SYT14: variants seen among roughly 807,000 people sequenced by gnomAD.
The protein encoded by SYT14 is synaptotagmin 14.
In SYT14, 32 loss-of-function variants were observed where a neutral mutation model predicts 74.2. The observed-to-expected ratio is 0.43, with a 90% confidence interval of 0.33 to 0.58. The LOEUF is 0.58. SYT14 is among the 20% of genes least tolerant of loss of function. The probability of loss-of-function intolerance (pLI) is 0.05; values close to 1 mark genes in which losing one functional copy is unlikely to be tolerated. For missense variants in SYT14, 791 were observed against 981.8 expected (o/e 0.81, Z 2.60); for synonymous variants, 298 against 337.7 (o/e 0.88, Z 1.29).
intron 7 of SYT14, among the ~76,000 whole-genome samples, chr1:210,110,855 C>T (rs2082248757): frequency 6.6e-6 from 1 of 152,190 alleles, no homozygotes. Flanking sequence ...AGCAATTCTC[C>T]TGCCTCAGCC....
chr1:210,169,236 T>TTG (rs2083494542), exon 10 of SYT14: 1 of 140,344 alleles, frequency 7.1e-6, no homozygotes, highest in African/African-American at 2.6e-5. Context: ...TTTTTTTTTT[T>TTG]TTTTTTTTTT....
At chr1:209,946,317 AGCTAGGCC>A (rs1388765039) in intron 1 of SYT14, among the ~76,000 whole-genome samples, 1 of 152,238 alleles carries the variant, frequency 6.6e-6, no homozygotes, top group Non-Finnish European at 1.5e-5. Flanking sequence ...ACTGGCCAAA[AGCTAGGCC>A]TTTTGTGCCA....
rs149881792 is a variant in SYT14 at position 209,989,102 on chromosome 1, C to T, written c.-485-24531C>T. On this transcript the variant is annotated intron_variant, in intron 2 of 9. Coordinates refer to ENST00000637265, the Ensembl canonical transcript of SYT14. ...TCTGAATGATCACTCCTTTATTGCC[C>T]ATCTTCAGTGTCTTGAGTGCCATTG... Among the ~76,000 whole-genome samples the T allele has an allele frequency of 3.7e-3, 558 of 152,246 alleles. 3 individuals are homozygous for T. Among genetic ancestry groups the T allele is most frequent in the African/African-American group, 0.013 (529 of 41,550 alleles).
Position 210,094,516 on chromosome 1 carries a change from C to T in SYT14, c.1507C>T (p.His503Tyr), listed in dbSNP as rs530610981. 2 of 1,613,644 alleles carry T rather than the reference C, an allele frequency of 1.2e-6. 1 individual carries two copies. Among genetic ancestry groups the T allele is most frequent in the African/African-American group, 2.7e-5 (2 of 74,990 alleles). ...GTGCCCAAGTGAAGGAAGCACAGGT[C>T]ATGAAATAGAAAGTTTTCATAATAA... Residue 503 changes from histidine to tyrosine, a missense_variant, in exon 6 of 10, where the codon CAT becomes TAT. Transcript: ENST00000637265.
At position 210,080,773 on chromosome 1, in the gene SYT14, G is replaced by A. The variant is rs145172816; in HGVS notation, c.1313-13549G>A. Among the ~76,000 whole-genome samples, 448 of 152,294 alleles carry A rather than the reference G, an allele frequency of 2.9e-3. 2 individuals carry two copies. Among genetic ancestry groups the A allele is most frequent in the African/African-American group, 9.9e-3 (412 of 41,554 alleles). On this transcript the variant is annotated intron_variant, in intron 5 of 9. Transcript: ENST00000637265. ...CATAGTGCAATACATTGTAAATGAT[G>A]GAAGCAACGTGTGCTGTAGAAATAA... is the stretch of plus-strand genomic sequence containing the variant.
chr1:210,071,125 A>G (rs17318744), intron 5 of SYT14, among the ~76,000 whole-genome samples: 34,106 of 151,186 alleles, frequency 0.23, 4,122 homozygotes, highest in Middle Eastern at 0.29. Flanking sequence ...TTTCCAAAAC[A>G]ACAAAAGATG....
At chr1:210,007,348 G>A (rs1341177677) in intron 2 of SYT14, among the ~76,000 whole-genome samples, 1 of 151,914 alleles carries the variant, frequency 6.6e-6, no homozygotes, top group Non-Finnish European at 1.5e-5. Flanking sequence ...ATAGCTCACA[G>A]AGAGCAGTTA....
chr1:210,156,880 G>GC (rs1449209303), intron 8 of SYT14: 2 of 407,164 alleles, frequency 4.9e-6, no homozygotes, highest in African/African-American at 4.1e-5. Context: ...TTTTAGTAGA[G>GC]GTGGGTTTTC....
chr1:209,959,819 G>T lies in SYT14; in HGVS notation c.-486+7063G>T, dbSNP rs1651454683. On this transcript the variant is annotated intron_variant, in intron 2 of 9. Transcript: ENST00000637265. ...TAATAGGTATGGGTTTTTCTGGGGAGTGATGAAAATATTCTGAAATTAGAT... is the reference window on the plus strand; with the variant it reads ...TAATAGGTATGGGTTTTTCTGGGGATTGATGAAAATATTCTGAAATTAGAT... 3.3e-5 allele frequency among the ~76,000 whole-genome samples: 5 copies of T among 152,246 alleles called. No homozygotes were observed. In the South Asian group the frequency reaches 1.0e-3, roughly 32 times the overall value.
intron 7 of SYT14, among the ~76,000 whole-genome samples, chr1:210,103,682 T>C (rs2082111690): frequency 6.6e-6 from 1 of 151,988 alleles, no homozygotes; most frequent in Admixed American, 6.6e-5. Context: ...CCCTGTAAAC[T>C]AAGTAAATCA....
chr1:210,031,353 T>A (rs1053200778), intron 5 of SYT14, among the ~76,000 whole-genome samples: 1 of 152,148 alleles, frequency 6.6e-6, no homozygotes, highest in Non-Finnish European at 1.5e-5. Flanking sequence ...GATTTTTGAA[T>A]CTTTCTTCAT....
chr1:210,026,095 G>GT (rs34723080), intron 5 of SYT14, among the ~76,000 whole-genome samples: 2,572 of 150,402 alleles, frequency 0.017, 22 homozygotes, highest in Middle Eastern at 0.031. Flanking sequence ...AATCTTCTGG[G>GT]TTTTTTTTTG....
intron 8 of SYT14, 67 bp downstream of exon 7, chr1:210,155,977 G>T (rs530187144): frequency 1.5e-6 from 2 of 1,375,556 alleles, no homozygotes; most frequent in Non-Finnish European, 2.0e-6. Context: ...GTATTAGGGA[G>T]TTCAATCCTA....
Position 210,160,709 on chromosome 1 carries a change from G to A in SYT14, c.2282-20G>A, listed in dbSNP as rs748919905. The A allele has an allele frequency of 8.7e-6, 14 of 1,605,352 alleles. No individual in the cohort carries two copies. The highest frequency in any genetic ancestry group is 4.0e-5 in the African/African-American group (3 of 74,682). ...TTGTTTCAAATGATATTTGTGATAC[G>A]TTGTCTTTTTCTTCTTTAGATACAT... On this transcript the variant is annotated intron_variant, in intron 9 of 9. Coordinates refer to ENST00000637265, the Ensembl canonical transcript of SYT14.
chr1:210,014,748 T>C (rs2080150536), intron 3 of SYT14, among the ~76,000 whole-genome samples: 1 of 152,122 alleles, frequency 6.6e-6, no homozygotes, highest in Non-Finnish European at 1.5e-5. Flanking sequence ...TCAGTGTTTC[T>C]CATATTCCAC....
rs531366342 is a variant in SYT14 at position 210,151,260 on chromosome 1, T to C, written c.2035-4461T>C. 8.9e-4 allele frequency among the ~76,000 whole-genome samples: 136 copies of C among 152,334 alleles called. 1 individual carries two copies. Among genetic ancestry groups the C allele is most frequent in the Non-Finnish European group, 1.4e-3 (96 of 68,024 alleles). On this transcript the variant is annotated intron_variant, in intron 7 of 9. Transcript: ENST00000637265. ...CTGCTACCTAGGCAAGCCCCAGTTA[T>C]AAATTAATGATGAGATCTGCAGAGG... is the stretch of plus-strand genomic sequence containing the variant.
chr1:210,064,718 A>G (rs2081266143), intron 5 of SYT14, among the ~76,000 whole-genome samples: 1 of 152,076 alleles, frequency 6.6e-6, no homozygotes, highest in South Asian at 2.1e-4. Flanking sequence ...TAATACTACT[A>G]TAAACACTGA....
chr1:210,055,665 T>A (rs944354606), intron 5 of SYT14, among the ~76,000 whole-genome samples: 3 of 148,184 alleles, frequency 2.0e-5, no homozygotes, highest in Non-Finnish European at 4.5e-5. Context: ...AAAAAAAAAA[T>A]ACAAAGAATT....
exon 10 of SYT14, chr1:210,163,134 TAATAAA>T (rs1328639438): frequency 8.8e-6 from 4 of 453,482 alleles, no homozygotes; most frequent in Non-Finnish European, 1.8e-5. Flanking sequence ...GTTATCTTCC[TAATAAA>T]AAGAGTTATC....
Sources: gnomAD v4.1 joint callset for allele counts (sites outside exome capture counted in the v4.1 genomes callset) on GRCh38, gnomAD v4.1.1 for gene constraint, MANE v1.5 for transcripts, NCBI Gene and HGNC (gene_info 2026-07-23, HGNC 2026-07-21) for gene names.